Variants in KCNK6 observed in about 807,000 individuals in gnomAD.
The protein encoded by KCNK6 is potassium channel subfamily K member 6.
Under a neutral mutation model 21.9 loss-of-function variants are expected in KCNK6, and 20 were observed. That is an observed-to-expected ratio of 0.91 (90% CI 0.64 to 1.32). The LOEUF (loss-of-function observed/expected upper bound fraction) is 1.32, where lower values mean the gene tolerates loss of function less well. Ranked by LOEUF, KCNK6 falls within the 40% of genes most tolerant of loss-of-function variation. The pLI is 0.00. For missense variants in KCNK6, 415 were observed against 433.1 expected, an observed-to-expected ratio of 0.96 and a Z score of 0.37; for synonymous variants, 210 against 218.0, an observed-to-expected ratio of 0.96 and a Z score of 0.32.
In KCNK6 at chr19:38,323,295, A is replaced by T. The variant is rs1969672825; in HGVS notation, c.322+3023A>T. Among the ~76,000 whole-genome samples, 10 of 152,354 alleles carry T rather than the reference A, an allele frequency of 6.6e-5. No individual in the cohort carries two copies. The South Asian group carries it at 2.1e-3, about 32-fold the overall frequency. ...GTAATAACTGATGTTTATTGAGTTA[A>T]TGTTGACTGTTTTCATAGTGGGTGA... On this transcript the variant is annotated intron_variant, in intron 1 of 2. Transcript: ENST00000263372.
Position 38,326,849 on chromosome 19 carries a change from C to T in KCNK6, c.579C>T (p.Ala193=). The T allele has an allele frequency of 6.2e-7, 1 of 1,611,200 alleles. No individual in the cohort carries two copies. The highest frequency in any genetic ancestry group is 2.2e-5 in the East Asian group (1 of 44,876). ...VCFLVPAVIF[A]HLEEAWSFLD... ...TTCTGGTGCCGGCTGTGATCTTTGCCCACCTCGAGGAGGCCTGGAGCTTCT... is the reference window on the plus strand; with the variant it reads ...TTCTGGTGCCGGCTGTGATCTTTGCTCACCTCGAGGAGGCCTGGAGCTTCT... The change falls in exon 2 of 3, where the codon GCC becomes GCT. Residue 193 remains alanine (A), a synonymous_variant. Transcript: ENST00000263372.
At chr19:38,325,672 C>T in intron 1 of KCNK6, 1 of 335,052 alleles carries the variant, frequency 3.0e-6, no homozygotes, top group African/African-American at 2.2e-5. Flanking sequence ...CAAGGGAAAG[C>T]CTCACTGAGA....
intron 1 of KCNK6, 152 bp from the exon 2 acceptor site, chr19:38,326,441 A>T: frequency 1.1e-6 from 1 of 882,932 alleles, no homozygotes; most frequent in Non-Finnish European, 1.7e-6. Context: ...CCAGCTACTT[A>T]GGAGGAGGCT....
rs201520164 is a variant in KCNK6 at position 38,320,264 on chromosome 19, C to G, written c.314C>G (p.Thr105Ser). The G allele has an allele frequency of 1.9e-6, 3 of 1,606,060 alleles. No homozygotes were observed. Among genetic ancestry groups the G allele is most frequent in the Admixed American group, 3.3e-5 (2 of 59,996 alleles). ...CTCTTCTTCGCCAGCACGCTGATCA[C>G]CACCGTGGGTACGTAAGCGCCTCAC... ...SALFFASTLI[T>S]TVGYGYTTPL... Residue 105 changes from threonine to serine, a missense_variant, in exon 1 of 3, where the codon ACC becomes AGC. Coordinates refer to ENST00000263372, the MANE Select transcript of KCNK6 (RefSeq NM_004823.3).
chr19:38,330,628 C>CA lies in KCNK6; in HGVS notation c.*3238dup, dbSNP rs57498193. On this transcript the variant is annotated 3_prime_UTR_variant, in exon 3 of 3. Transcript: ENST00000263372. Reference sequence around the variant, plus strand: ...TGGGTGACAGAGCAAGACCCTGTCTCAAAAAAAAAAAAAGAAAAGAAAAAG... The same window carrying CA: ...TGGGTGACAGAGCAAGACCCTGTCTCAAAAAAAAAAAAAAGAAAAGAAAAAG... 0.01 allele frequency: 1,071 copies of CA among 104,990 alleles called. 14 individuals are homozygous for CA. Among genetic ancestry groups the CA allele is most frequent in the African/African-American group, 0.031 (882 of 28,548 alleles). 6.5% of individuals were successfully genotyped at this position (104,990 alleles called of 1,614,324 possible). A position where few individuals can be genotyped will look rare whatever the true frequency, so the allele number is the denominator to read the frequency against.
In KCNK6 at chr19:38,320,172, G is replaced by C. The variant is rs372657213; in HGVS notation, c.222G>C (p.Arg74=). 25 of 1,599,296 alleles carry C rather than the reference G, an allele frequency of 1.6e-5. No homozygotes were observed. The highest frequency in any genetic ancestry group is 2.0e-5 in the Non-Finnish European group (24 of 1,179,074). The part of the protein sequence containing the change: ...ERVLAAGRLG[R]VVLANASGSA... ...TGCTGGCGGCCGGACGGCTGGGGCGGGTCGTGCTTGCTAACGCTTCGGGGT... is the reference window on the plus strand; with the variant it reads ...TGCTGGCGGCCGGACGGCTGGGGCGCGTCGTGCTTGCTAACGCTTCGGGGT... Residue 74 remains arginine (R), a synonymous_variant, in exon 1 of 3, where the codon CGG becomes CGC. Coordinates refer to ENST00000263372, the MANE Select transcript of KCNK6 (RefSeq NM_004823.3).
At chr19:38,320,525 G>T (rs1024704325) in intron 1 of KCNK6, among the ~76,000 whole-genome samples, 5 of 150,978 alleles carry the variant, frequency 3.3e-5, no homozygotes, top group Non-Finnish European at 7.4e-5. Flanking sequence ...GCAGAGACCA[G>T]CTGGGACCCC....
Position 38,328,340 on chromosome 19 carries a change from C to A in KCNK6, c.*937C>A, listed in dbSNP as rs551178144. The A allele has an allele frequency of 2.0e-4, 30 of 152,436 alleles. No homozygotes were observed. The highest frequency in any genetic ancestry group is 3.2e-4 in the Non-Finnish European group (22 of 68,158). The allele number at this position is 152,436 out of a possible 1,614,324, so 9.4% of individuals were successfully genotyped here. On this transcript the variant is annotated 3_prime_UTR_variant, in exon 3 of 3. Coordinates refer to ENST00000263372, the MANE Select transcript of KCNK6 (RefSeq NM_004823.3). ...CAGGAAACAGACATAGGACCCCAGCCCAGATCTGAATGGCATGGGAGGTGC... is the reference window on the plus strand; with the variant it reads ...CAGGAAACAGACATAGGACCCCAGCACAGATCTGAATGGCATGGGAGGTGC...
chr19:38,327,812 C>CACCG lies in KCNK6; in HGVS notation c.*410_*411insCCGA. 8.4e-6 allele frequency: 2 copies of CACCG among 236,698 alleles called. No individual in the cohort carries two copies. The highest frequency in any genetic ancestry group is 1.7e-5 in the Non-Finnish European group (2 of 117,756). The allele number at this position is 236,698 out of a possible 1,614,324, so 14.7% of individuals were successfully genotyped here. On this transcript the variant is annotated 3_prime_UTR_variant, in exon 3 of 3. Transcript: ENST00000263372. ...TGGGCTCAGACCTCATTTCAGGCACCAGATTGGTCGCTACACCCTGGACAA... is the reference window on the plus strand; with the variant it reads ...TGGGCTCAGACCTCATTTCAGGCACCACCGAGATTGGTCGCTACACCCTGGACAA...
At chr19:38,324,060 C>T (rs755430458) in intron 1 of KCNK6, among the ~76,000 whole-genome samples, 54 of 152,040 alleles carry the variant, frequency 3.6e-4, no homozygotes, top group Non-Finnish European at 6.3e-4. Flanking sequence ...TTTTCAAACT[C>T]TATGATTTGT....
In KCNK6 at chr19:38,327,208, G is replaced by T; in HGVS notation, c.747G>T (p.Met249Ile). The change falls in exon 3 of 3, where the codon ATG becomes ATT. Residue 249 changes from methionine to isoleucine, a missense_variant. Transcript: ENST00000263372. The stretch of plus-strand genomic sequence containing the variant: ...ACCTCTTCCTGGGCCTGGTGGCCAT[G>T]GTGCTGGTGCTGCAGACCTTCCGCC... ...TVYLFLGLVAMVLVLQTFRHV... is the reference protein window; with the variant it reads ...TVYLFLGLVAIVLVLQTFRHV... 6.2e-7 allele frequency: 1 copy of T among 1,613,140 alleles called. No homozygotes were observed.
Position 38,327,197 on chromosome 19 carries a change from C to A in KCNK6, c.736C>A (p.Leu246Met). The stretch of plus-strand genomic sequence containing the variant: ...CTTTACAGTCTACCTCTTCCTGGGC[C>A]TGGTGGCCATGGTGCTGGTGCTGCA... ...VLVTVYLFLG[L>M]VAMVLVLQTF... The change falls in exon 3 of 3, where the codon CTG becomes ATG. Residue 246 changes from leucine (L) to methionine (M), a missense_variant. Coordinates refer to ENST00000263372, the MANE Select transcript of KCNK6 (RefSeq NM_004823.3). The A allele has an allele frequency of 6.2e-7, 1 of 1,612,824 alleles. No homozygotes were observed. Among genetic ancestry groups the A allele is most frequent in the South Asian group, 1.1e-5 (1 of 91,078 alleles).
Position 38,329,238 on chromosome 19 carries a change from A to AAAAGAAAG in KCNK6, c.*1843_*1850dup, listed in dbSNP as rs112383488. 17,690 of 148,652 alleles carry AAAAGAAAG rather than the reference A, an allele frequency of 0.12. 1,573 individuals carry two copies. Among genetic ancestry groups the AAAAGAAAG allele is most frequent in the East Asian group, 0.41 (1,969 of 4,856 alleles). The allele number at this position is 148,652 out of a possible 1,614,324, so 9.2% of individuals were successfully genotyped here. A position where few individuals can be genotyped will look rare whatever the true frequency, so the allele number is the denominator to read the frequency against. On this transcript the variant is annotated 3_prime_UTR_variant, in exon 3 of 3. Coordinates refer to ENST00000263372, the MANE Select transcript of KCNK6 (RefSeq NM_004823.3). ...CAGCAAGACTCCGTCTCAAAAAAAA[A>AAAAGAAAG]AAAGAAAGAAAGAAAAGAAAAGAAG...
rs566195795 is a variant in KCNK6, at chr19:38,321,194, C to G, written c.322+922C>G. On this transcript the variant is annotated intron_variant, in intron 1 of 2. Coordinates refer to ENST00000263372, the MANE Select transcript of KCNK6 (RefSeq NM_004823.3). Reference sequence around the variant, plus strand: ...CAGGGTGTCCTCACTAAAGACCTCCCTCCCAACAGAGATTCCTCAGCAAGG... The same window carrying G: ...CAGGGTGTCCTCACTAAAGACCTCCGTCCCAACAGAGATTCCTCAGCAAGG... Among the ~76,000 whole-genome samples the G allele has an allele frequency of 3.1e-3, 472 of 152,314 alleles. 5 individuals carry two copies. The highest frequency in any genetic ancestry group is 5.0e-3 in the Non-Finnish European group (337 of 68,014).
chr19:38,326,843 C>T lies in KCNK6; in HGVS notation c.573C>T (p.Ile191=), dbSNP rs753157138. 1.2e-6 allele frequency: 2 copies of T among 1,610,876 alleles called. No homozygotes were observed. The highest frequency in any genetic ancestry group is 1.7e-5 in the Admixed American group (1 of 60,006). ...TCTGCTTTCTGGTGCCGGCTGTGAT[C>T]TTTGCCCACCTCGAGGAGGCCTGGA... The part of the protein sequence containing the change: ...VTVCFLVPAV[I]FAHLEEAWSF... Residue 191 remains isoleucine, a synonymous_variant, in exon 2 of 3, where the codon ATC becomes ATT. Transcript: ENST00000263372.
Position 38,330,698 on chromosome 19 carries a change from G to C in KCNK6, c.*3295G>C, listed in dbSNP as rs965812494. On this transcript the variant is annotated 3_prime_UTR_variant, in exon 3 of 3. Transcript: ENST00000263372. Reference sequence around the variant, plus strand: ...GTATATTGGATATACTATGTGCCAGGCACGATTCCAAGCCCCTGATACATT... The same window carrying C: ...GTATATTGGATATACTATGTGCCAGCCACGATTCCAAGCCCCTGATACATT... The C allele has an allele frequency of 1.3e-5, 2 of 152,104 alleles. No homozygotes were observed. The highest frequency in any genetic ancestry group is 1.3e-4 in the Admixed American group (2 of 15,248). 9.4% of individuals were successfully genotyped at this position (152,104 alleles called of 1,614,324 possible). A position where few individuals can be genotyped will look rare whatever the true frequency, so the allele number is the denominator to read the frequency against.
At chr19:38,326,470 A>C (rs7250755) in intron 1 of KCNK6, 123 bp from the exon 2 acceptor site, 4 of 1,115,400 alleles carry the variant, frequency 3.6e-6, no homozygotes, top group Non-Finnish European at 5.1e-6. Flanking sequence ...AGGATCACTT[A>C]GGTCCAGGAG....
intron 1 of KCNK6, among the ~76,000 whole-genome samples, chr19:38,321,304 C>G (rs1314707660): frequency 6.6e-6 from 1 of 152,176 alleles, no homozygotes; most frequent in Admixed American, 6.5e-5. Context: ...CCCCATACTC[C>G]CCAGCAGGCA....
Position 38,327,570 on chromosome 19 carries a change from C to A in KCNK6, c.*167C>A. The A allele has an allele frequency of 1.5e-6, 1 of 648,546 alleles. No individual in the cohort carries two copies. The highest frequency in any genetic ancestry group is 2.7e-6 in the Non-Finnish European group (1 of 376,574). 40.2% of individuals were successfully genotyped at this position (648,546 alleles called of 1,614,324 possible). A position where few individuals can be genotyped will look rare whatever the true frequency, so the allele number is the denominator to read the frequency against. ...CAGCATCTGGCTGGGATGTGAAGGG[C>A]AGCACTCCCTGTCCCCATGTCCCGG... On this transcript the variant is annotated 3_prime_UTR_variant, in exon 3 of 3. Transcript: ENST00000263372.
Sources: allele counts gnomAD v4.1 joint callset (sites outside exome capture counted in the v4.1 genomes callset), GRCh38; gene constraint gnomAD v4.1.1; transcripts MANE v1.5; gene names NCBI Gene and HGNC (gene_info 2026-07-23, HGNC 2026-07-21).